PTPRE: variants seen among roughly 807,000 people sequenced by gnomAD.
PTPRE encodes the protein receptor-type tyrosine-protein phosphatase epsilon.
Under a neutral mutation model 102.0 loss-of-function variants are expected in PTPRE, and 51 were observed. The observed-to-expected ratio is 0.50, with a 90% CI of 0.40 to 0.63. The LOEUF (loss-of-function observed/expected upper bound fraction) is 0.63, where lower values mean the gene tolerates loss of function less well. Among genes scored for constraint, PTPRE ranks in the 30% least tolerant of loss-of-function variants. The probability of loss-of-function intolerance (pLI) is 0.00; values close to 1 mark genes in which losing one functional copy is unlikely to be tolerated. For missense variants in PTPRE, 752 were observed against 915.1 expected (o/e 0.82, Z 2.30); for synonymous variants, 345 against 348.2 (o/e 0.99, Z 0.10).
chr10:127,941,834 G>T (rs1848268414), intron 1 of PTPRE, among the ~76,000 whole-genome samples: 1 of 151,212 alleles, frequency 6.6e-6, no homozygotes, highest in Admixed American at 6.6e-5. Context: ...CTTGGTTTGT[G>T]GCCACAAACC....
chr10:127,914,221 C>T (rs1163934234), intron 1 of PTPRE, among the ~76,000 whole-genome samples: 10 of 152,200 alleles, frequency 6.6e-5, no homozygotes, highest in Non-Finnish European at 8.8e-5. Context: ...TCCTGAGCCT[C>T]ACCTGAAGCA....
intron 2 of PTPRE, among the ~76,000 whole-genome samples, chr10:128,016,855 C>T (rs1033971592): frequency 3.3e-5 from 5 of 152,230 alleles, no homozygotes; most frequent in African/African-American, 7.2e-5. Context: ...GCCTTCCTGC[C>T]GGGGAGACCT....
chr10:127,980,619 A>G (rs1851535715), intron 1 of PTPRE, among the ~76,000 whole-genome samples: 1 of 152,212 alleles, frequency 6.6e-6, no homozygotes, highest in Admixed American at 6.5e-5. Context: ...ACCATTAAGA[A>G]TAATTTGAGC....
At chr10:128,075,477 T>G (rs1219858168) in intron 17 of PTPRE, among the ~76,000 whole-genome samples, 2 of 151,930 alleles carry the variant, frequency 1.3e-5, no homozygotes, top group East Asian at 3.9e-4. Flanking sequence ...GTGTGTGTTG[T>G]TCCCCTCCCT....
At chr10:127,987,452 T>C in intron 2 of PTPRE, 1 of 816,606 alleles carries the variant, frequency 1.2e-6, no homozygotes, top group Non-Finnish European at 1.7e-6. Flanking sequence ...TCATGGTTGC[T>C]TCTAATATAA....
chr10:127,929,268 G>C (rs893517204), intron 1 of PTPRE: 5 of 152,160 alleles, frequency 3.3e-5, no homozygotes, highest in African/African-American at 1.2e-4. Context: ...CATGATGTAT[G>C]CTGTGTAAAT....
At position 128,009,492 on chromosome 10, in the gene PTPRE, G is replaced by T. The variant is rs992774166; in HGVS notation, c.-8+27196G>T. ...GGGCACGGAGCTGACATTTGCAAAG[G>T]CCCCCTGTGTGCCAGCCAGTGCCAA... On this transcript the variant is annotated intron_variant, in intron 2 of 20. Coordinates refer to ENST00000254667, the MANE Select transcript of PTPRE (RefSeq NM_006504.6). 3.9e-5 allele frequency among the ~76,000 whole-genome samples: 6 copies of T among 152,292 alleles called. No individual in the cohort carries two copies. The East Asian group carries it at 5.8e-4, about 15-fold the overall frequency.
At position 127,978,236 on chromosome 10, in the gene PTPRE, C is replaced by CA. The variant is rs199625031; in HGVS notation, c.-30-4029dup. ...CAAAAGAAGCAAAACAAAACAAAAA[C>CA]AAAAAAAAACAAGCAGACAAGCCTG... is the stretch of plus-strand genomic sequence containing the variant. On this transcript the variant is annotated intron_variant, in intron 1 of 20. Transcript: ENST00000254667. Among the ~76,000 whole-genome samples the CA allele has an allele frequency of 3.3e-3, 493 of 150,570 alleles. 5 individuals carry two copies. In the East Asian group the frequency reaches 0.036, roughly 11 times the overall value.
chr10:127,907,358 CACCCCGGGAG>C lies in PTPRE; in HGVS notation c.-31+50_-31+59del. 1 of 983,642 alleles carries C rather than the reference CACCCCGGGAG, an allele frequency of 1.0e-6. No homozygotes were observed. The highest frequency in any genetic ancestry group is 1.2e-6 in the Non-Finnish European group (1 of 828,796). 60.9% of individuals were successfully genotyped at this position (983,642 alleles called of 1,614,324 possible). On this transcript the variant is annotated intron_variant, in intron 1 of 20. Coordinates refer to ENST00000254667, the MANE Select transcript of PTPRE (RefSeq NM_006504.6). The surrounding 1 kb of genome is among the most constrained non-coding windows in gnomAD (Gnocchi z 4.8). ...CCCTGCGCCCCTGTGGGGAACTGTG[CACCCCGGGAG>C]GCCCAAGCAGGCCGGGGCGCTGCCT... is the stretch of plus-strand genomic sequence containing the variant.
At chr10:127,969,744 A>G (rs1850567337) in intron 1 of PTPRE, among the ~76,000 whole-genome samples, 1 of 152,026 alleles carries the variant, frequency 6.6e-6, no homozygotes, top group Admixed American at 6.6e-5. Flanking sequence ...TCACACGTAA[A>G]GGAGACGGTC....
intron 1 of PTPRE, among the ~76,000 whole-genome samples, chr10:127,926,117 A>G (rs979269631): frequency 3.3e-5 from 5 of 152,158 alleles, no homozygotes; most frequent in Non-Finnish European, 7.3e-5. Flanking sequence ...TTAGGAGTCT[A>G]TTGTGTTTTC....
chr10:128,061,859 A>G (rs1564945736), intron 9 of PTPRE, 144 bp downstream of exon 9: 1 of 1,045,128 alleles, frequency 9.6e-7, no homozygotes, highest in East Asian at 2.9e-5. Flanking sequence ...ATATCCATTC[A>G]CACAACGGAT....
chr10:127,930,001 G>T (rs1291340883), intron 1 of PTPRE, among the ~76,000 whole-genome samples: 1 of 147,786 alleles, frequency 6.8e-6, no homozygotes, highest in Non-Finnish European at 1.5e-5. Flanking sequence ...GGTGAAGGTT[G>T]CAGTGAGCCG....
chr10:128,070,260 G>A lies in PTPRE; in HGVS notation c.1144-41G>A, dbSNP rs1850651469. 1 of 1,566,586 alleles carries A rather than the reference G, an allele frequency of 6.4e-7. No homozygotes were observed. Among genetic ancestry groups the A allele is most frequent in the Non-Finnish European group, 8.7e-7 (1 of 1,154,022 alleles). ...AAGCTCCACGTGGGCCAAGACTGCA[G>A]GGCAGAGTTGAGGGTGTGGGCACCC... On this transcript the variant is annotated intron_variant, in intron 13 of 20. Transcript: ENST00000254667. The surrounding 1 kb of genome is among the most constrained non-coding windows in gnomAD (Gnocchi z 4.8).
At chr10:128,053,950 G>A (rs1590155243) in intron 6 of PTPRE, among the ~76,000 whole-genome samples, 2 of 152,040 alleles carry the variant, frequency 1.3e-5, no homozygotes, top group African/African-American at 4.8e-5. Context: ...TAGTAGAGAC[G>A]GGGTTTCACC....
At chr10:127,999,452 C>T in intron 2 of PTPRE, 1 of 715,260 alleles carries the variant, frequency 1.4e-6, no homozygotes, top group Non-Finnish European at 1.7e-6. Flanking sequence ...TTTCTTCCTC[C>T]CTGTGGGCTG....
Position 127,938,695 on chromosome 10 carries a change from AT to A in PTPRE, c.-31+31393del, listed in dbSNP as rs562964210. ...ATCGATATTACTTCTTAATATATAT[AT>A]TTTTTTGCTACAGATTTGGAGTGTG... is the stretch of plus-strand genomic sequence containing the variant. On this transcript the variant is annotated intron_variant, in intron 1 of 20. Transcript: ENST00000254667. 2.2e-4 allele frequency among the ~76,000 whole-genome samples: 34 copies of A among 152,220 alleles called. 1 individual carries two copies. The highest frequency in any genetic ancestry group is 7.7e-4 in the African/African-American group (32 of 41,518).
At chr10:127,916,168 G>A (rs1846192536) in intron 1 of PTPRE, among the ~76,000 whole-genome samples, 1 of 152,056 alleles carries the variant, frequency 6.6e-6, no homozygotes, top group Non-Finnish European at 1.5e-5. Context: ...CTGGCTCTGT[G>A]TCCCCACCCA....
intron 2 of PTPRE, chr10:127,999,096 A>C (rs1853597609): frequency 1.3e-5 from 2 of 152,220 alleles, no homozygotes; most frequent in African/African-American, 4.8e-5. Flanking sequence ...TTGGTGTTCA[A>C]CGGGTTTAAA....
Sources: allele counts gnomAD v4.1 joint callset (sites outside exome capture counted in the v4.1 genomes callset), GRCh38; gene constraint gnomAD v4.1.1; non-coding constraint Gnocchi (gnomAD v3.1); transcripts MANE v1.5; gene names NCBI Gene and HGNC (gene_info 2026-07-23, HGNC 2026-07-21).